Variants in RIMS2 observed in about 807,000 individuals in gnomAD.
The protein encoded by RIMS2 is regulating synaptic membrane exocytosis protein 2.
A neutral mutation model predicts 174.4 loss-of-function variants in RIMS2; 59 were observed. The observed-to-expected ratio is 0.34, with a 90% CI of 0.27 to 0.42. The LOEUF is 0.42. Among genes scored for constraint, RIMS2 ranks in the 10% least tolerant of loss-of-function variants. RIMS2 has a pLI of 1.00. For synonymous variants in RIMS2, 606 were observed against 572.5 expected (o/e 1.06, Z -0.84); for missense variants, 1,620 against 1,666.3 (o/e 0.97, Z 0.48).
exon 20 of RIMS2, chr8:104,245,021 C>T: frequency 6.2e-7 from 1 of 1,613,848 alleles, no homozygotes; most frequent in Non-Finnish European, 8.5e-7. Flanking sequence ...CGAGAGTCTA[C>T]AGATGGTAGC....
At chr8:103,511,075 A>G (rs1049057959) in intron 1 of RIMS2, among the ~76,000 whole-genome samples, 2 of 152,176 alleles carry the variant, frequency 1.3e-5, no homozygotes, top group East Asian at 3.8e-4. Context: ...ATAATACTAT[A>G]TTGCCTTCAA....
At chr8:104,043,120 A>G (rs1224198353) in intron 19 of RIMS2, among the ~76,000 whole-genome samples, 1 of 151,664 alleles carries the variant, frequency 6.6e-6, no homozygotes, top group Non-Finnish European at 1.5e-5. Flanking sequence ...GTAGAACTAG[A>G]CAGTAATGAT....
At chr8:103,728,210 T>A (rs1006724034) in intron 2 of RIMS2, among the ~76,000 whole-genome samples, 2 of 152,112 alleles carry the variant, frequency 1.3e-5, no homozygotes, top group African/African-American at 4.8e-5. Flanking sequence ...GTAAATGGGA[T>A]GACTTTCTTG....
chr8:103,854,549 T>C (rs937277603), intron 3 of RIMS2, among the ~76,000 whole-genome samples: 2 of 151,780 alleles, frequency 1.3e-5, no homozygotes, highest in African/African-American at 4.8e-5. Flanking sequence ...CCTAGTTTGT[T>C]GAGGGTTTTT....
intron 13 of RIMS2, among the ~76,000 whole-genome samples, chr8:103,942,009 T>A (rs2082651168): frequency 6.6e-6 from 1 of 152,230 alleles, no homozygotes; most frequent in African/African-American, 2.4e-5. Flanking sequence ...TTTTTAACTT[T>A]TAAGTTCAGG....
intron 3 of RIMS2, among the ~76,000 whole-genome samples, chr8:103,851,885 AATTGTATG>A (rs2154493249): frequency 6.6e-6 from 1 of 152,104 alleles, no homozygotes; most frequent in Admixed American, 6.6e-5. Context: ...AAAAATCATT[AATTGTATG>A]GTTCAGCCCT....
chr8:103,599,700 C>T lies in RIMS2; in HGVS notation c.177-97386C>T, dbSNP rs143521028. On this transcript the variant is annotated intron_variant, in intron 1 of 23. Coordinates refer to ENST00000504942, the Ensembl canonical transcript of RIMS2. ...TTCTAGGCTCAAGTGATCCTCTTGC[C>T]TTGGCCTCTGAAGTGCTGGGATTAC... is the stretch of plus-strand genomic sequence containing the variant. Among the ~76,000 whole-genome samples the T allele has an allele frequency of 1.4e-3, 207 of 151,998 alleles. 1 individual carries two copies. The highest frequency in any genetic ancestry group is 4.8e-3 in the African/African-American group (199 of 41,484).
intron 4 of RIMS2, among the ~76,000 whole-genome samples, chr8:103,904,984 A>T (rs1201379798): frequency 4.6e-5 from 7 of 151,952 alleles, no homozygotes; most frequent in African/African-American, 1.7e-4. Flanking sequence ...ATTGGTGCTG[A>T]CGTTTAACTA....
At position 104,071,542 on chromosome 8, in the gene RIMS2, C is replaced by G. The variant is rs1365840266; in HGVS notation, c.3334+56927C>G. 2.0e-5 allele frequency among the ~76,000 whole-genome samples: 3 copies of G among 152,290 alleles called. No individual in the cohort carries two copies. In the East Asian group the frequency reaches 5.8e-4, roughly 30 times the overall value. The stretch of plus-strand genomic sequence containing the variant: ...CTCCGCCTCCTGGGTTCAAGTGATT[C>G]TCCTGCCTCAGCCTCCTGAGTAGCT... On this transcript the variant is annotated intron_variant, in intron 19 of 23. Transcript: ENST00000504942.
In RIMS2 at chr8:103,608,340, T is replaced by A. The variant is rs2095224313; in HGVS notation, c.177-88746T>A. Reference sequence around the variant, plus strand: ...GTCAGGGACCCACTTGAGGAGGCAGTCTGCCCGTTCTCAGATCTCCAGCTG... The same window carrying A: ...GTCAGGGACCCACTTGAGGAGGCAGACTGCCCGTTCTCAGATCTCCAGCTG... On this transcript the variant is annotated intron_variant, in intron 1 of 23. Transcript: ENST00000504942. Among the ~76,000 whole-genome samples, 2 of 143,660 alleles carry A rather than the reference T, an allele frequency of 1.4e-5. 1 individual carries two copies. The highest frequency in any genetic ancestry group is 3.1e-5 in the Non-Finnish European group (2 of 65,346). 94.2% of individuals were successfully genotyped at this position (143,660 alleles called of 152,430 possible). A position where few individuals can be genotyped will look rare whatever the true frequency, so the allele number is the denominator to read the frequency against.
chr8:104,231,482 A>G (rs184137699), intron 19 of RIMS2, among the ~76,000 whole-genome samples: 1 of 152,146 alleles, frequency 6.6e-6, no homozygotes, highest in African/African-American at 2.4e-5. Flanking sequence ...ACCACTGTAT[A>G]TATATCCTGT....
intron 3 of RIMS2, among the ~76,000 whole-genome samples, chr8:103,815,703 A>G (rs1476291337): frequency 6.6e-6 from 1 of 152,226 alleles, no homozygotes; most frequent in Non-Finnish European, 1.5e-5. Flanking sequence ...CAAAGAAAAT[A>G]TAAATATTTG....
rs550919974 is a variant in RIMS2, at chr8:103,631,650, G to A, written c.177-65436G>A. 4.6e-5 allele frequency among the ~76,000 whole-genome samples: 7 copies of A among 152,192 alleles called. No individual in the cohort carries two copies. The South Asian group carries it at 8.3e-4, about 18-fold the overall frequency. ...TTCCATGTGAATTTTAAAATAGATT[G>A]TTCTAGTTCTGTGAAGAATGTCATT... On this transcript the variant is annotated intron_variant, in intron 1 of 23. Transcript: ENST00000504942.
At chr8:103,585,039 A>G (rs751320613) in intron 1 of RIMS2, among the ~76,000 whole-genome samples, 1 of 152,202 alleles carries the variant, frequency 6.6e-6, no homozygotes, top group Non-Finnish European at 1.5e-5. Context: ...ATGGAAAAAG[A>G]TATTCCATGT....
chr8:103,685,888 G>A (rs1762332890), intron 1 of RIMS2, among the ~76,000 whole-genome samples: 1 of 152,088 alleles, frequency 6.6e-6, no homozygotes, highest in Admixed American at 6.6e-5. Context: ...TATTGGGAAT[G>A]GCATTGATTG....
At chr8:104,047,839 A>G (rs1340796530) in intron 19 of RIMS2, among the ~76,000 whole-genome samples, 2 of 152,108 alleles carry the variant, frequency 1.3e-5, no homozygotes, top group African/African-American at 4.8e-5. Context: ...AAGCTTTATC[A>G]TTTCTGAAAA....
At position 104,058,385 on chromosome 8, in the gene RIMS2, T is replaced by G. The variant is rs551128869; in HGVS notation, c.3334+43770T>G. Among the ~76,000 whole-genome samples, 128 of 150,238 alleles carry G rather than the reference T, an allele frequency of 8.5e-4. 1 individual carries two copies. The highest frequency in any genetic ancestry group is 8.2e-4 in the Non-Finnish European group (55 of 67,430). ...ATGTCTTCTTTTGAGAAGTGTCTGT[T>G]CATATCCTTCGCCCACTTTTTGATG... On this transcript the variant is annotated intron_variant, in intron 19 of 23. Transcript: ENST00000504942.
At chr8:103,978,144 T>C (rs2093604964) in intron 16 of RIMS2, among the ~76,000 whole-genome samples, 1 of 152,222 alleles carries the variant, frequency 6.6e-6, no homozygotes, top group South Asian at 2.1e-4. Context: ...CCGATGGTTT[T>C]AGGAACTCAA....
intron 19 of RIMS2, among the ~76,000 whole-genome samples, chr8:104,152,357 A>T (rs1369683075): frequency 6.6e-6 from 1 of 152,108 alleles, no homozygotes; most frequent in Non-Finnish European, 1.5e-5. Context: ...AATAGATTTG[A>T]CCTGCTGACA....
Sources: allele counts gnomAD v4.1 joint callset (sites outside exome capture counted in the v4.1 genomes callset), GRCh38; gene constraint gnomAD v4.1.1; transcripts MANE v1.5; gene names NCBI Gene and HGNC (gene_info 2026-07-23, HGNC 2026-07-21).